The following UQCC1 variants were observed in gnomAD, a reference collection of about 807,000 sequenced individuals.
UQCC1 encodes the protein ubiquinol-cytochrome c reductase complex assembly factor 1.
UQCC1 carries 38 observed loss-of-function variants against 48.0 expected under a neutral mutation model. The observed-to-expected ratio is 0.79, with a 90% CI of 0.61 to 1.04. The LOEUF is 1.04. Among genes scored for constraint, UQCC1 ranks in the 50% least tolerant of loss-of-function variants. The pLI is 0.00. For missense variants in UQCC1, 368 were observed against 381.8 expected (o/e 0.96, Z 0.30); for synonymous variants, 111 against 129.2 (o/e 0.86, Z 0.95).
At chr20:35,354,858 C>T (rs1230806237) in intron 6 of UQCC1, among the ~76,000 whole-genome samples, 1 of 152,142 alleles carries the variant, frequency 6.6e-6, no homozygotes, top group Non-Finnish European at 1.5e-5. Context: ...ACCTATTTTA[C>T]CATAGGCTAA....
intron 6 of UQCC1, among the ~76,000 whole-genome samples, chr20:35,366,191 G>C (rs2061664556): frequency 6.6e-6 from 1 of 152,190 alleles, no homozygotes; most frequent in Admixed American, 6.5e-5. Context: ...GACCAGCAAT[G>C]AAAATGACCA....
intron 1 of UQCC1, 65 bp from the exon 2 acceptor site, chr20:35,394,261 G>T (rs1037058022): frequency 7.4e-6 from 10 of 1,342,444 alleles, no homozygotes; most frequent in African/African-American, 2.9e-5. Context: ...AAGGCAAAGA[G>T]TGTACCTGTG....
intron 4 of UQCC1, among the ~76,000 whole-genome samples, chr20:35,381,635 G>A (rs968180969): frequency 6.6e-6 from 1 of 152,152 alleles, no homozygotes; most frequent in Non-Finnish European, 1.5e-5. Flanking sequence ...TCAAAGAATG[G>A]TCCTCCTCTA....
At chr20:35,386,317 T>A (rs1242910985) in intron 2 of UQCC1, 1 of 456,212 alleles carries the variant, frequency 2.2e-6, no homozygotes, top group African/African-American at 2.0e-5. Flanking sequence ...GGAAGAGGGC[T>A]GACTCTTCAA....
At chr20:35,338,015 G>A (rs895500547) in intron 7 of UQCC1, among the ~76,000 whole-genome samples, 1 of 151,232 alleles carries the variant, frequency 6.6e-6, no homozygotes, top group Non-Finnish European at 1.5e-5. Flanking sequence ...GTTCAGTCTC[G>A]GTGTTCCTCT....
chr20:35,406,309 C>T (rs1207481843), intron 1 of UQCC1, among the ~76,000 whole-genome samples: 4 of 152,210 alleles, frequency 2.6e-5, no homozygotes, highest in Admixed American at 1.3e-4. Context: ...GCCACAGACA[C>T]ATCATATGCA....
intron 7 of UQCC1, among the ~76,000 whole-genome samples, chr20:35,321,252 C>CTGTGTGTGTGTGTGTG (rs58532328): frequency 5.4e-5 from 8 of 147,222 alleles, no homozygotes; most frequent in Non-Finnish European, 9.0e-5. Context: ...ACAAACAAAA[C>CTGTGTGTGTGTGTGTG]TGTGTGTGTG....
intron 3 of UQCC1, 44 bp from the exon 4 acceptor site, chr20:35,382,069 T>A: frequency 7.8e-7 from 1 of 1,288,608 alleles, no homozygotes; most frequent in Non-Finnish European, 1.1e-6. Context: ...TTGCAAAAAA[T>A]TTTTAATAGA....
chr20:35,363,867 G>T (rs561739511), intron 6 of UQCC1, among the ~76,000 whole-genome samples: 8 of 152,170 alleles, frequency 5.3e-5, no homozygotes, highest in African/African-American at 1.9e-4. Flanking sequence ...TACCCTCCTG[G>T]AGCTTCAGGC....
At chr20:35,318,244 C>G in intron 7 of UQCC1, among the ~76,000 whole-genome samples, 1 of 152,276 alleles carries the variant, frequency 6.6e-6, no homozygotes, top group East Asian at 1.9e-4. Context: ...GCTCAATACC[C>G]TTGAGGAAAG....
chr20:35,409,666 C>T (rs1280284938), intron 1 of UQCC1, among the ~76,000 whole-genome samples: 1 of 152,182 alleles, frequency 6.6e-6, no homozygotes, highest in Non-Finnish European at 1.5e-5. Context: ...AATGTCCAGG[C>T]TCTCTGCTGT....
At position 35,408,315 on chromosome 20, in the gene UQCC1, G is replaced by A. The variant is rs368465872; in HGVS notation, c.24+3625C>T. ...GTGTTGGCACACACCTGTAGTCCCA[G>A]CTACTCGGGAGGCTAAGATGAGAGG... On this transcript the variant is annotated intron_variant, in intron 1 of 9. Coordinates refer to ENST00000374385, the MANE Select transcript of UQCC1 (RefSeq NM_018244.5). 2.8e-4 allele frequency among the ~76,000 whole-genome samples: 43 copies of A among 152,080 alleles called. No homozygotes were observed. In the East Asian group the frequency reaches 7.6e-3, roughly 27 times the overall value.
chr20:35,376,044 G>A (rs752114645), intron 4 of UQCC1, among the ~76,000 whole-genome samples: 4 of 151,626 alleles, frequency 2.6e-5, no homozygotes, highest in Admixed American at 6.6e-5. Flanking sequence ...TCACCCACCC[G>A]GCTCACTAAT....
At chr20:35,305,674 T>C (rs541758896) in intron 9 of UQCC1, among the ~76,000 whole-genome samples, 1 of 152,328 alleles carries the variant, frequency 6.6e-6, no homozygotes, top group South Asian at 2.1e-4. Context: ...CCCCAGTATG[T>C]GGTTTTTCCA....
chr20:35,361,931 G>C (rs1568682185), intron 6 of UQCC1, among the ~76,000 whole-genome samples: 1 of 152,112 alleles, frequency 6.6e-6, no homozygotes, highest in Non-Finnish European at 1.5e-5. Flanking sequence ...CTCCATCATA[G>C]GTATGTTCCA....
rs147786694 is a variant in UQCC1 at position 35,397,291 on chromosome 20, G to A, written c.25-3095C>T. ...AGCACTTTGGGAGGCCGAGGCTGGC[G>A]GATCACGAGGTCAGGAGATCGAGAC... On this transcript the variant is annotated intron_variant, in intron 1 of 9. Coordinates refer to ENST00000374385, the MANE Select transcript of UQCC1 (RefSeq NM_018244.5). Among the ~76,000 whole-genome samples the A allele has an allele frequency of 7.2e-3, 1,086 of 151,724 alleles. 20 individuals carry two copies. Among genetic ancestry groups the A allele is most frequent in the East Asian group, 0.058 (299 of 5,162 alleles).
At chr20:35,305,819 G>A (rs775209060) in intron 9 of UQCC1, among the ~76,000 whole-genome samples, 6 of 152,176 alleles carry the variant, frequency 3.9e-5, no homozygotes, top group Non-Finnish European at 5.9e-5. Context: ...TCAGCTCCAG[G>A]GGCCAGGCCA....
intron 7 of UQCC1, among the ~76,000 whole-genome samples, chr20:35,336,136 T>C (rs2061314259): frequency 6.6e-6 from 1 of 152,218 alleles, no homozygotes; most frequent in Non-Finnish European, 1.5e-5. Flanking sequence ...TTAATGCCAA[T>C]GCTAGAGCCA....
At chr20:35,392,029 C>G (rs1393940515) in intron 2 of UQCC1, among the ~76,000 whole-genome samples, 1 of 152,166 alleles carries the variant, frequency 6.6e-6, no homozygotes, top group Non-Finnish European at 1.5e-5. Context: ...CATTACCTTA[C>G]AGATACCTGA....
Sources: gnomAD v4.1 joint callset for allele counts (sites outside exome capture counted in the v4.1 genomes callset) on GRCh38, gnomAD v4.1.1 for gene constraint, MANE v1.5 for transcripts, NCBI Gene and HGNC (gene_info 2026-07-23, HGNC 2026-07-21) for gene names.